POU2F3: variants seen among roughly 807,000 people sequenced by gnomAD.
POU2F3 encodes the protein POU domain, class 2, transcription factor 3.
In POU2F3, 23 loss-of-function variants were observed where a neutral mutation model predicts 59.2. That is an observed-to-expected ratio of 0.39 (90% CI 0.28 to 0.55). POU2F3 has a LOEUF of 0.55. Among genes scored for constraint, POU2F3 ranks in the 20% least tolerant of loss-of-function variants. The pLI, the probability that POU2F3 is intolerant of heterozygous loss-of-function variation, is 0.66. For missense variants in POU2F3, 473 were observed against 544.5 expected, an observed-to-expected ratio of 0.87 and a Z score of 1.31; for synonymous variants, 190 against 214.6, an observed-to-expected ratio of 0.89 and a Z score of 1.00.
chr11:120,304,517 G>T (rs1052047608), intron 6 of POU2F3, among the ~76,000 whole-genome samples: 73 of 152,206 alleles, frequency 4.8e-4, no homozygotes, highest in African/African-American at 1.7e-3. Flanking sequence ...GACATTTTAG[G>T]AAAGTTCTAT....
At chr11:120,256,539 G>A (rs1939351765) in intron 2 of POU2F3, 2 of 152,184 alleles carry the variant, frequency 1.3e-5, no homozygotes, top group Non-Finnish European at 1.5e-5. Context: ...GTCCACACAT[G>A]TCCAGGACTC....
intron 3 of POU2F3, among the ~76,000 whole-genome samples, chr11:120,289,061 G>C (rs548808577): frequency 6.6e-6 from 1 of 152,000 alleles, no homozygotes; most frequent in Non-Finnish European, 1.5e-5. Flanking sequence ...CTAAGAATTC[G>C]CTTTTAAAAA....
chr11:120,240,363 T>G lies in POU2F3; in HGVS notation c.20T>G (p.Met7Arg). The change falls in exon 1 of 13, where the codon ATG (methionine) becomes AGG (arginine). Residue 7 changes from methionine to arginine, a missense_variant. Physicochemically the swap from Met to Arg is moderately conservative, Grantham distance 91. Transcript: ENST00000543440. ...GGCAGGATGGTGAATCTGGAGTCCA[T>G]GCACACAGGTGAGGGGCGGAGGGAA... MVNLES[M>R]HTDIKMSGDV... is the part of the protein sequence containing the mutation. 1 of 1,427,448 alleles carries G rather than the reference T, an allele frequency of 7.0e-7. No individual in the cohort carries two copies. The highest frequency in any genetic ancestry group is 9.3e-7 in the Non-Finnish European group (1 of 1,080,142). The allele number at this position is 1,427,448 out of a possible 1,614,324, so 88.4% of individuals were successfully genotyped here.
chr11:120,300,141 G>A (rs1316298927), intron 5 of POU2F3, among the ~76,000 whole-genome samples: 1 of 152,330 alleles, frequency 6.6e-6, no homozygotes, highest in African/African-American at 2.4e-5. Flanking sequence ...ATTCTATTTG[G>A]AGAGAGCAGC....
At chr11:120,261,163 TG>T in intron 2 of POU2F3, 2 of 16,444 alleles carry the variant, frequency 1.2e-4, no homozygotes, top group East Asian at 3.4e-4. Flanking sequence ...TGTTGTTTTG[TG>T]TGTGTGTGTG....
chr11:120,257,278 C>T (rs1406232927), intron 2 of POU2F3, among the ~76,000 whole-genome samples: 1 of 152,112 alleles, frequency 6.6e-6, no homozygotes, highest in African/African-American at 2.4e-5. Context: ...CCCACGTTTC[C>T]TTAGGACCCT....
At chr11:120,313,238 G>A (rs568085475) in intron 10 of POU2F3, among the ~76,000 whole-genome samples, 83 of 152,266 alleles carry the variant, frequency 5.5e-4, no homozygotes, top group Non-Finnish European at 9.3e-4. Flanking sequence ...AGAAATGGAG[G>A]GGGCCTAGAG....
chr11:120,247,283 A>C (rs1450701445), intron 2 of POU2F3, among the ~76,000 whole-genome samples: 1 of 152,244 alleles, frequency 6.6e-6, no homozygotes, highest in Non-Finnish European at 1.5e-5. Context: ...TTAGTCTTTC[A>C]TCTGGATCAT....
At chr11:120,304,938 T>A (rs1004210622) in intron 6 of POU2F3, 92 bp from the exon 7 acceptor site, 1 of 794,554 alleles carries the variant, frequency 1.3e-6, no homozygotes, top group Non-Finnish European at 1.8e-6. Context: ...AGTGGGCCTA[T>A]TAGTAAAAAA....
intron 2 of POU2F3, among the ~76,000 whole-genome samples, chr11:120,255,427 C>T (rs1164423665): frequency 6.6e-6 from 1 of 152,070 alleles, no homozygotes; most frequent in Non-Finnish European, 1.5e-5. Flanking sequence ...GGGGTCTCGG[C>T]GCCCAATTTG....
chr11:120,284,878 C>G (rs1005825600), intron 3 of POU2F3, among the ~76,000 whole-genome samples: 1 of 152,160 alleles, frequency 6.6e-6, no homozygotes, highest in African/African-American at 2.4e-5. Context: ...CACAGAGCCC[C>G]GCTGCTCTGA....
intron 2 of POU2F3, chr11:120,261,399 G>A (rs1395211495): frequency 6.6e-6 from 1 of 152,172 alleles, no homozygotes; most frequent in Non-Finnish European, 1.5e-5. Context: ...AGCCTTATGA[G>A]CCAGAGTTCC....
chr11:120,266,555 A>G (rs1375169413), intron 2 of POU2F3, among the ~76,000 whole-genome samples: 1 of 152,140 alleles, frequency 6.6e-6, no homozygotes, highest in Non-Finnish European at 1.5e-5. Context: ...CTCTCCAGCC[A>G]TACTGACCTC....
intron 8 of POU2F3, 53 bp downstream of exon 8, chr11:120,305,838 G>C: frequency 1.9e-6 from 3 of 1,597,730 alleles, no homozygotes; most frequent in South Asian, 1.1e-5. Flanking sequence ...TGCAGGGAAG[G>C]GCCAGTGACT....
intron 3 of POU2F3, among the ~76,000 whole-genome samples, chr11:120,281,745 T>A (rs1292324582): frequency 1.3e-5 from 2 of 152,196 alleles, no homozygotes; most frequent in Non-Finnish European, 2.9e-5. Context: ...GACAGTGTGG[T>A]TGCAGATCGA....
chr11:120,293,069 C>T (rs1462327732), intron 3 of POU2F3, among the ~76,000 whole-genome samples: 1 of 152,178 alleles, frequency 6.6e-6, no homozygotes, highest in Admixed American at 6.5e-5. Context: ...GCAGTAGCAA[C>T]CCCACATGGT....
intron 3 of POU2F3, among the ~76,000 whole-genome samples, chr11:120,282,379 G>A (rs146574622): frequency 6.6e-6 from 1 of 152,332 alleles, no homozygotes; most frequent in East Asian, 1.9e-4. Flanking sequence ...TATTAGGCTG[G>A]TCACAGTGGC....
At chr11:120,313,202 T>C (rs1335646191) in intron 10 of POU2F3, among the ~76,000 whole-genome samples, 1 of 152,178 alleles carries the variant, frequency 6.6e-6, no homozygotes, top group Non-Finnish European at 1.5e-5. Flanking sequence ...TTTGGTTCAG[T>C]GCCAACCCAG....
At chr11:120,300,468 A>G (rs1359706897) in intron 5 of POU2F3, among the ~76,000 whole-genome samples, 1 of 152,092 alleles carries the variant, frequency 6.6e-6, no homozygotes, top group East Asian at 1.9e-4. Flanking sequence ...TAGGGTCAAA[A>G]GTGATGGAGG....
Sources: allele counts gnomAD v4.1 joint callset (sites outside exome capture counted in the v4.1 genomes callset), GRCh38; gene constraint gnomAD v4.1.1; transcripts MANE v1.5; gene names NCBI Gene and HGNC (gene_info 2026-07-23, HGNC 2026-07-21).